Variants in PIGN observed in about 807,000 individuals in gnomAD.
PIGN encodes the protein GPI ethanolamine phosphate transferase 1.
PIGN carries 117 observed loss-of-function variants against 125.4 expected under a neutral mutation model. The observed-to-expected ratio is 0.93, with a 90% confidence interval of 0.80 to 1.09. The LOEUF is 1.09. Ranked by LOEUF, PIGN falls within the 50% of genes least tolerant of loss-of-function variation. The probability of loss-of-function intolerance (pLI) is 0.00; values close to 1 mark genes in which losing one functional copy is unlikely to be tolerated. For missense variants in PIGN, 1,075 were observed against 1,094.9 expected (o/e 0.98, Z 0.26); for synonymous variants, 392 against 377.8 (o/e 1.04, Z -0.44).
At chr18:62,093,887 T>C (rs958117098) in intron 23 of PIGN, among the ~76,000 whole-genome samples, 3 of 152,136 alleles carry the variant, frequency 2.0e-5, no homozygotes, top group African/African-American at 7.2e-5. Context: ...CTGATTGAAA[T>C]GACTGAACTG....
chr18:62,164,716 T>G (rs2037070784), intron 1 of PIGN, among the ~76,000 whole-genome samples: 1 of 151,380 alleles, frequency 6.6e-6, no homozygotes, highest in Admixed American at 6.6e-5. Context: ...TACATTATGT[T>G]GATTATTATC....
At chr18:62,107,512 G>C (rs539011113) in intron 17 of PIGN, 1 of 161,980 alleles carries the variant, frequency 6.2e-6, no homozygotes, top group Non-Finnish European at 1.3e-5. Context: ...AGAATAGCTT[G>C]AACCTGGGAG....
chr18:62,088,869 T>C, intron 24 of PIGN, 27 bp from the exon 25 acceptor site: 1 of 1,283,396 alleles, frequency 7.8e-7, no homozygotes, highest in Non-Finnish European at 1.1e-6. Context: ...AAAATATTAA[T>C]GCACAATAAC....
At chr18:62,140,847 G>C (rs1411277413) in intron 11 of PIGN, among the ~76,000 whole-genome samples, 1 of 152,130 alleles carries the variant, frequency 6.6e-6, no homozygotes, top group Admixed American at 6.6e-5. Context: ...CTGGAGAAAT[G>C]TATATATTAA....
intron 30 of PIGN, chr18:62,069,765 T>C (rs145588893): frequency 2.6e-5 from 4 of 152,324 alleles, no homozygotes; most frequent in Middle Eastern, 3.4e-3. Context: ...TGGAGACAGA[T>C]GGTGTGTGGT....
intron 23 of PIGN, among the ~76,000 whole-genome samples, chr18:62,032,751 T>C (rs938885639): frequency 6.6e-6 from 1 of 152,202 alleles, no homozygotes; most frequent in African/African-American, 2.4e-5. Context: ...ATCTGTAAAA[T>C]AGTATAATAA....
At chr18:62,120,873 C>T (rs2060098) in intron 14 of PIGN, among the ~76,000 whole-genome samples, 1 of 151,552 alleles carries the variant, frequency 6.6e-6, no homozygotes, top group African/African-American at 2.4e-5. Flanking sequence ...TATAAATGGT[C>T]CGAAAACACC....
chr18:62,065,504 C>T (rs2032457168), intron 30 of PIGN, among the ~76,000 whole-genome samples: 1 of 151,958 alleles, frequency 6.6e-6, no homozygotes. Flanking sequence ...TTTGGGAGGC[C>T]GAGGCGGGCG....
At chr18:62,089,869 T>C (rs1256778796) in intron 24 of PIGN, among the ~76,000 whole-genome samples, 2 of 152,100 alleles carry the variant, frequency 1.3e-5, no homozygotes, top group Admixed American at 1.3e-4. Flanking sequence ...CAGCTCTAAA[T>C]ATAGACAAGA....
Position 62,072,722 on chromosome 18 carries a change from A to G in PIGN, c.2623T>C (p.Phe875Leu). Reference protein sequence around the residue: ...LVISDIMALHFFFLVKDYGSW... With the variant: ...LVISDIMALHLFFLVKDYGSW... ...CCATAATCCTTGACCAAGAAGAAAA[A>G]ATGCTGTAAAAAAAAAAAAAGGCTT... Residue 875 changes from phenylalanine (F) to leucine (L), a missense_variant, in exon 30 of 31, where the codon TTT becomes CTT. By Grantham distance (22) the Phe-to-Leu change is conservative. This residue lies in a region of PIGN where 915 missense variants were observed against 908.7 expected (regional missense o/e 1.01). Transcript: ENST00000640252. 6.4e-7 allele frequency: 1 copy of G among 1,564,890 alleles called. No individual in the cohort carries two copies.
chr18:62,057,024 C>T (rs182876105), intron 30 of PIGN, among the ~76,000 whole-genome samples: 16 of 152,284 alleles, frequency 1.1e-4, no homozygotes, highest in South Asian at 2.1e-4. Flanking sequence ...TTCACCCCAT[C>T]CGTGGAAAAA....
At chr18:62,181,927 T>C (rs2037732739) in intron 1 of PIGN, among the ~76,000 whole-genome samples, 1 of 152,166 alleles carries the variant, frequency 6.6e-6, no homozygotes, top group Non-Finnish European at 1.5e-5. Flanking sequence ...GGTTTCACCA[T>C]GTTGGCCAGG....
At position 62,074,696 on chromosome 18, in the gene PIGN, C is replaced by A. The variant is rs191437101; in HGVS notation, c.2619+83G>T. The A allele has an allele frequency of 2.9e-4, 240 of 829,412 alleles. 1 individual carries two copies. The East Asian group carries it at 3.8e-3, about 13-fold the overall frequency. The allele number at this position is 829,412 out of a possible 1,614,324, so 51.4% of individuals were successfully genotyped here. On this transcript the variant is annotated intron_variant, in intron 29 of 30. Transcript: ENST00000640252. Reference sequence around the variant, plus strand: ...ACTCAACATCTAAAGATTTCACGTACCAAAATGCATTCATATTTCTCTTTA... The same window carrying A: ...ACTCAACATCTAAAGATTTCACGTAACAAAATGCATTCATATTTCTCTTTA...
rs79589287 is a variant in PIGN, at chr18:62,059,339, G to A, written c.2672+13334C>T. ...TCAATCTGACCTTGGTTCCAGGGGG[G>A]AAACCAGGCAAGGAGGTGGGGAGCT... On this transcript the variant is annotated intron_variant, in intron 30 of 30. Transcript: ENST00000640252. Among the ~76,000 whole-genome samples, 39 of 152,068 alleles carry A rather than the reference G, an allele frequency of 2.6e-4. No individual in the cohort carries two copies. In the South Asian group the frequency reaches 7.5e-3, roughly 29 times the overall value.
chr18:62,021,722 C>G (rs141726482), intron 23 of PIGN, among the ~76,000 whole-genome samples: 105 of 152,304 alleles, frequency 6.9e-4, no homozygotes, highest in African/African-American at 2.5e-3. Context: ...CAGCATAACA[C>G]ATGATCACAG....
intron 17 of PIGN, chr18:62,107,337 G>A (rs565235626): frequency 2.8e-5 from 11 of 387,358 alleles, no homozygotes; most frequent in African/African-American, 4.1e-5. Flanking sequence ...GCTCAGGCCT[G>A]TAATCCCAGC....
intron 15 of PIGN, among the ~76,000 whole-genome samples, chr18:62,113,731 G>A (rs1370809947): frequency 6.6e-6 from 1 of 152,004 alleles, no homozygotes; most frequent in Non-Finnish European, 1.5e-5. Context: ...TATTTTACAG[G>A]AGAAGAATAG....
intron 23 of PIGN, among the ~76,000 whole-genome samples, chr18:62,028,136 C>A (rs978415793): frequency 2.0e-5 from 3 of 152,166 alleles, no homozygotes; most frequent in African/African-American, 2.4e-5. Flanking sequence ...CAGCTCTTTC[C>A]CCTAGCTTCT....
chr18:62,072,315 A>G, intron 30 of PIGN: 1 of 166,884 alleles, frequency 6.0e-6, no homozygotes, highest in Non-Finnish European at 1.3e-5. Flanking sequence ...TAACTCACTG[A>G]CTCACCCAGA....
Sources: allele counts gnomAD v4.1 joint callset (sites outside exome capture counted in the v4.1 genomes callset), GRCh38; gene constraint gnomAD v4.1.1; regional missense constraint gnomAD v4.1.1; transcripts MANE v1.5; gene names NCBI Gene and HGNC (gene_info 2026-07-23, HGNC 2026-07-21).